The following ROBO2 variants were observed in gnomAD, a reference collection of about 807,000 sequenced individuals.
The protein encoded by ROBO2 is roundabout guidance receptor 2.
In ROBO2, 53 loss-of-function variants were observed where a neutral mutation model predicts 160.8. The ratio of observed to expected loss-of-function variants is 0.33; its 90% CI spans 0.26 to 0.41. The LOEUF (loss-of-function observed/expected upper bound fraction) is 0.41. Ranked by LOEUF, ROBO2 falls within the 10% of genes least tolerant of loss-of-function variation. The probability of loss-of-function intolerance (pLI) is 1.00; values close to 1 mark genes in which losing one functional copy is unlikely to be tolerated. For synonymous variants in ROBO2, 664 were observed against 611.7 expected (o/e 1.09, Z -1.26); for missense variants, 1,577 against 1,722.4 (o/e 0.92, Z 1.49).
intron 2 of ROBO2, among the ~76,000 whole-genome samples, chr3:76,091,065 G>C (rs903910111): frequency 6.6e-6 from 1 of 152,140 alleles, no homozygotes; most frequent in African/African-American, 2.4e-5. Context: ...AGCTTCAAAG[G>C]CATGATCTAT....
intron 2 of ROBO2, chr3:76,311,548 T>G: frequency 6.6e-6 from 1 of 152,034 alleles, no homozygotes; most frequent in East Asian, 1.9e-4. Context: ...GGAAAGGGGG[T>G]CTGCGTTGCA....
chr3:77,005,951 C>T (rs917807098), intron 2 of ROBO2, among the ~76,000 whole-genome samples: 4 of 152,088 alleles, frequency 2.6e-5, no homozygotes, highest in African/African-American at 9.7e-5. Context: ...AGACTAAGTG[C>T]TTTCTTGGAA....
At chr3:76,300,772 G>A (rs1709316356) in intron 2 of ROBO2, among the ~76,000 whole-genome samples, 1 of 151,996 alleles carries the variant, frequency 6.6e-6, no homozygotes, top group African/African-American at 2.4e-5. Flanking sequence ...AAGTTTCAGA[G>A]GCTAATGAAT....
chr3:76,894,076 C>CTTT, intron 2 of ROBO2, among the ~76,000 whole-genome samples: 1 of 152,208 alleles, frequency 6.6e-6, no homozygotes, highest in East Asian at 1.9e-4. Flanking sequence ...GCGATACACC[C>CTTT]TTTTGAAGTC....
chr3:77,103,920 ATGTT>A (rs1189254958), intron 2 of ROBO2, among the ~76,000 whole-genome samples: 1 of 152,168 alleles, frequency 6.6e-6, no homozygotes, highest in Non-Finnish European at 1.5e-5. Context: ...AAATATGTAA[ATGTT>A]TGTTTTTTAT....
intron 2 of ROBO2, among the ~76,000 whole-genome samples, chr3:76,330,452 G>T (rs1347414608): frequency 6.6e-6 from 1 of 152,164 alleles, no homozygotes; most frequent in Non-Finnish European, 1.5e-5. Flanking sequence ...TCTTCTTGCA[G>T]TGTTATATGA....
chr3:75,939,483 T>A (rs74342140), intron 2 of ROBO2, among the ~76,000 whole-genome samples: 4 of 152,176 alleles, frequency 2.6e-5, no homozygotes, highest in African/African-American at 9.6e-5. Context: ...AGTCTAGCTG[T>A]AGTAAAGCTT....
intron 2 of ROBO2, among the ~76,000 whole-genome samples, chr3:77,356,726 G>C (rs2069184745): frequency 6.6e-6 from 1 of 152,160 alleles, no homozygotes; most frequent in African/African-American, 2.4e-5. Context: ...TCTCAGGAAA[G>C]TGGTTAATTC....
chr3:76,584,889 C>T (rs1406312732), intron 2 of ROBO2, among the ~76,000 whole-genome samples: 3 of 152,132 alleles, frequency 2.0e-5, no homozygotes, highest in Non-Finnish European at 4.4e-5. Flanking sequence ...CCTCATGATC[C>T]TCAGAGCCTT....
intron 2 of ROBO2, among the ~76,000 whole-genome samples, chr3:77,361,787 A>G (rs9863405): frequency 0.31 from 47,301 of 152,080 alleles, 7,868 homozygotes; most frequent in Non-Finnish European, 0.38. Context: ...GGACATGAAC[A>G]TTCAGACTGT....
chr3:76,242,783 G>A (rs1183994806), intron 2 of ROBO2, among the ~76,000 whole-genome samples: 1 of 152,058 alleles, frequency 6.6e-6, no homozygotes, highest in Non-Finnish European at 1.5e-5. Context: ...TAGCTGGGAG[G>A]CTAAGGTGGG....
At chr3:76,220,276 A>C (rs569596719) in intron 2 of ROBO2, among the ~76,000 whole-genome samples, 43 of 152,014 alleles carry the variant, frequency 2.8e-4, no homozygotes, top group Non-Finnish European at 6.0e-4. Flanking sequence ...ATGTATACAT[A>C]TGTAACAAGC....
intron 2 of ROBO2, among the ~76,000 whole-genome samples, chr3:76,091,585 A>G (rs9870202): frequency 0.11 from 16,463 of 152,164 alleles, 1,067 homozygotes; most frequent in Non-Finnish European, 0.14. Flanking sequence ...ATATCCACCC[A>G]AATAAACTGA....
intron 2 of ROBO2, among the ~76,000 whole-genome samples, chr3:76,693,264 GTC>G (rs563769501): frequency 0.066 from 6,969 of 105,094 alleles, 197 homozygotes; most frequent in African/African-American, 0.13. Context: ...ATACATACAT[GTC>G]TCTCTCTCTA....
Position 76,974,014 on chromosome 3 carries a change from C to T in ROBO2, c.110-124000C>T, listed in dbSNP as rs140088592. Among the ~76,000 whole-genome samples, 1,345 of 152,246 alleles carry T rather than the reference C, an allele frequency of 8.8e-3. 23 individuals are homozygous for T. Among genetic ancestry groups the T allele is most frequent in the African/African-American group, 0.031 (1,284 of 41,530 alleles). ...TTTTGAGTCTCTCTTGACTGAATAA[C>T]ATGTTTTCCTTTTTAATTTTGGTGG... is the stretch of plus-strand genomic sequence containing the variant. On this transcript the variant is annotated intron_variant, in intron 2 of 26. Coordinates refer to the ROBO2 transcript ENST00000487694.
intron 2 of ROBO2, among the ~76,000 whole-genome samples, chr3:77,419,516 A>G (rs2077529966): frequency 1.3e-5 from 2 of 152,176 alleles, no homozygotes; most frequent in Admixed American, 1.3e-4. Context: ...GAGCATAAAT[A>G]TGAAATGATA....
chr3:77,045,263 A>G (rs1425520536), intron 1 of ROBO2, among the ~76,000 whole-genome samples: 3 of 152,234 alleles, frequency 2.0e-5, no homozygotes, highest in African/African-American at 7.2e-5. Flanking sequence ...CTTACCCAGA[A>G]TACTTGACTC....
chr3:77,467,473 G>C (rs1218657898), intron 2 of ROBO2, among the ~76,000 whole-genome samples: 1 of 152,058 alleles, frequency 6.6e-6, no homozygotes, highest in African/African-American at 2.4e-5. Flanking sequence ...CGAGGCCCAT[G>C]GGACATGAAC....
At chr3:76,883,256 T>G (rs1488153198) in intron 2 of ROBO2, among the ~76,000 whole-genome samples, 2 of 152,164 alleles carry the variant, frequency 1.3e-5, no homozygotes, top group Non-Finnish European at 2.9e-5. Flanking sequence ...GTCCACAGCA[T>G]AAAAGTCTAC....
Sources: gnomAD v4.1 joint callset for allele counts (sites outside exome capture counted in the v4.1 genomes callset) on GRCh38, gnomAD v4.1.1 for gene constraint, MANE v1.5 for transcripts, NCBI Gene and HGNC (gene_info 2026-07-23, HGNC 2026-07-21) for gene names.